BABAM2: variants seen among roughly 807,000 people sequenced by gnomAD.
BABAM2 encodes the protein BRISC and BRCA1 A complex member 2, also known as BRISC and BRCA1-A complex member 2.
A neutral mutation model predicts 54.7 loss-of-function variants in BABAM2; 31 were observed. The ratio of observed to expected loss-of-function variants is 0.57; its 90% CI spans 0.43 to 0.77. The LOEUF is 0.77. Ranked by LOEUF, BABAM2 falls within the 30% of genes least tolerant of loss-of-function variation. The probability of loss-of-function intolerance (pLI) is 0.00; values close to 1 mark genes in which losing one functional copy is unlikely to be tolerated. For missense variants in BABAM2, 364 were observed against 455.8 expected, an observed-to-expected ratio of 0.80 and a Z score of 1.83; for synonymous variants, 167 against 162.9, an observed-to-expected ratio of 1.03 and a Z score of -0.19.
At chr2:28,086,372 C>T (rs541904893) in intron 6 of BABAM2, among the ~76,000 whole-genome samples, 2 of 152,118 alleles carry the variant, frequency 1.3e-5, no homozygotes, top group South Asian at 4.2e-4. Flanking sequence ...TATTTTATTA[C>T]TTGTTTATTC....
intron 7 of BABAM2, among the ~76,000 whole-genome samples, chr2:28,149,783 C>G (rs1210761795): frequency 2.0e-5 from 3 of 152,186 alleles, no homozygotes; most frequent in African/African-American, 7.2e-5. Flanking sequence ...CTGCTTTAGT[C>G]AGTGTCCCTG....
At chr2:28,324,203 T>TA (rs1690256981) in intron 11 of BABAM2, among the ~76,000 whole-genome samples, 1 of 152,142 alleles carries the variant, frequency 6.6e-6, no homozygotes, top group African/African-American at 2.4e-5. Flanking sequence ...TGGAGGAGAC[T>TA]AAAATACAGC....
intron 7 of BABAM2, among the ~76,000 whole-genome samples, chr2:28,185,737 CT>C (rs1346988725): frequency 2.0e-5 from 3 of 151,564 alleles, no homozygotes; most frequent in African/African-American, 7.3e-5. Context: ...ATTTTTTTTG[CT>C]CTTTTTTTTT....
chr2:28,044,740 A>G (rs1304972679), intron 5 of BABAM2, among the ~76,000 whole-genome samples: 1 of 152,246 alleles, frequency 6.6e-6, no homozygotes, highest in East Asian at 1.9e-4. Flanking sequence ...TTTGGTAGTT[A>G]CAATATTAAA....
At chr2:27,910,718 T>A (rs1393428923) in intron 2 of BABAM2, among the ~76,000 whole-genome samples, 2 of 152,202 alleles carry the variant, frequency 1.3e-5, no homozygotes, top group African/African-American at 2.4e-5. Context: ...TTCAGCGTTA[T>A]GTTTGTGATA....
At chr2:28,332,494 T>C (rs1190285621) in intron 11 of BABAM2, among the ~76,000 whole-genome samples, 1 of 152,118 alleles carries the variant, frequency 6.6e-6, no homozygotes, top group Non-Finnish European at 1.5e-5. Flanking sequence ...GATGACACAA[T>C]GAGCCAGGGC....
intron 6 of BABAM2, among the ~76,000 whole-genome samples, chr2:28,098,892 A>G (rs1023505855): frequency 2.0e-5 from 3 of 152,232 alleles, no homozygotes; most frequent in African/African-American, 7.2e-5. Flanking sequence ...AAGTGGAGGT[A>G]AATGCAGAAG....
At chr2:28,121,945 T>C (rs1292165527) in intron 6 of BABAM2, among the ~76,000 whole-genome samples, 2 of 152,182 alleles carry the variant, frequency 1.3e-5, no homozygotes, top group African/African-American at 4.8e-5. Context: ...TCAGGCGCAG[T>C]GACTCACGCC....
intron 11 of BABAM2, among the ~76,000 whole-genome samples, chr2:28,305,604 G>C (rs1688450951): frequency 6.6e-6 from 1 of 152,126 alleles, no homozygotes; most frequent in South Asian, 2.1e-4. Flanking sequence ...AGTTTGTGCA[G>C]ATTTAGTATT....
intron 10 of BABAM2, among the ~76,000 whole-genome samples, chr2:28,257,290 C>T (rs1000693035): frequency 1.3e-5 from 2 of 152,118 alleles, no homozygotes; most frequent in Non-Finnish European, 2.9e-5. Flanking sequence ...CTAGCCCCAC[C>T]ATCAAGACAA....
chr2:28,186,996 G>A (rs1329835108), intron 7 of BABAM2, among the ~76,000 whole-genome samples: 3 of 152,038 alleles, frequency 2.0e-5, no homozygotes, highest in Non-Finnish European at 2.9e-5. Flanking sequence ...TAGTAGAGAC[G>A]GGGTTTCACC....
At chr2:28,239,697 T>G (rs1386785289) in intron 8 of BABAM2, among the ~76,000 whole-genome samples, 2 of 152,248 alleles carry the variant, frequency 1.3e-5, no homozygotes, top group South Asian at 4.1e-4. Flanking sequence ...CTTTACAGAG[T>G]ATGTCAGCTG....
At chr2:28,219,452 C>G (rs1680199363) in intron 7 of BABAM2, among the ~76,000 whole-genome samples, 1 of 152,178 alleles carries the variant, frequency 6.6e-6, no homozygotes, top group Non-Finnish European at 1.5e-5. Context: ...GAGAGCCCAA[C>G]CAGATAATTC....
intron 8 of BABAM2, among the ~76,000 whole-genome samples, chr2:28,239,967 T>G (rs1682261457): frequency 6.6e-6 from 1 of 152,174 alleles, no homozygotes; most frequent in African/African-American, 2.4e-5. Context: ...GGAAGTTTTC[T>G]TGCCAAAAAT....
At position 28,156,041 on chromosome 2, in the gene BABAM2, A is replaced by G. The variant is rs139510009; in HGVS notation, c.680+26661A>G. 6.0e-4 allele frequency among the ~76,000 whole-genome samples: 92 copies of G among 152,340 alleles called. 2 individuals carry two copies. In the East Asian group the frequency reaches 0.016, roughly 26 times the overall value. Reference sequence around the variant, plus strand: ...TTAGATTTGTTAATAAAATTATGGTAGTTATTAGTAATGCTTCTTTTTCCA... The same window carrying G: ...TTAGATTTGTTAATAAAATTATGGTGGTTATTAGTAATGCTTCTTTTTCCA... On this transcript the variant is annotated intron_variant, in intron 7 of 11. Coordinates refer to ENST00000379624, the MANE Select transcript of BABAM2 (RefSeq NM_199191.3).
chr2:27,896,123 G>C (rs1665294138), intron 2 of BABAM2: 1 of 152,044 alleles, frequency 6.6e-6, no homozygotes, highest in African/African-American at 2.4e-5. Flanking sequence ...TTGGACACTA[G>C]GGCAAGTTTG....
At chr2:28,110,381 T>C (rs1175690785) in intron 6 of BABAM2, among the ~76,000 whole-genome samples, 1 of 152,076 alleles carries the variant, frequency 6.6e-6, no homozygotes, top group Non-Finnish European at 1.5e-5. Context: ...CCCAGCACTT[T>C]GGGAGGCCAA....
At chr2:28,212,760 T>C (rs1301846817) in intron 7 of BABAM2, among the ~76,000 whole-genome samples, 2 of 152,182 alleles carry the variant, frequency 1.3e-5, no homozygotes, top group East Asian at 1.9e-4. Context: ...CTAGAAAACA[T>C]TGTCCAGTAT....
chr2:28,227,809 A>G (rs1178629917), intron 7 of BABAM2, among the ~76,000 whole-genome samples: 2 of 152,188 alleles, frequency 1.3e-5, no homozygotes, highest in Non-Finnish European at 2.9e-5. Flanking sequence ...CCACTAAGGA[A>G]CAGGTTAGCA....
Sources: gnomAD v4.1 joint callset for allele counts (sites outside exome capture counted in the v4.1 genomes callset) on GRCh38, gnomAD v4.1.1 for gene constraint, MANE v1.5 for transcripts, NCBI Gene and HGNC (gene_info 2026-07-23, HGNC 2026-07-21) for gene names.